The following OTOA variants were observed in gnomAD, a reference collection of about 807,000 sequenced individuals.
The protein encoded by OTOA is cancer/testis antigen 108.
A neutral mutation model predicts 110.8 loss-of-function variants in OTOA; 70 were observed. The observed-to-expected ratio is 0.63, with a 90% CI of 0.52 to 0.77. OTOA has a LOEUF of 0.77. Among genes scored for constraint, OTOA ranks in the 30% least tolerant of loss-of-function variants. OTOA has a pLI of 0.00. For synonymous variants in OTOA, 373 were observed against 431.5 expected (o/e 0.86, Z 1.68); for missense variants, 917 against 1,075.8 (o/e 0.85, Z 2.06).
chr16:21,687,556 C>G lies in OTOA; in HGVS notation c.543C>G (p.Gly181=). ...CCCTGGAGTGTGTGGAGATCCTGGG[C>G]AAGGTGCTGAGGGGGTCCTCAGGGA... ...LNSLECVEIL[G]KVLRGSSGSF... is the part of the protein sequence containing the mutation. Residue 181 remains glycine (G), a synonymous_variant, in exon 8 of 29, where the codon GGC becomes GGG. Transcript: ENST00000646100. The G allele has an allele frequency of 6.2e-7, 1 of 1,613,926 alleles. No homozygotes were observed. The highest frequency in any genetic ancestry group is 1.1e-5 in the South Asian group (1 of 91,072).
In OTOA at chr16:21,728,459, G is replaced by A. The variant is rs773014058; in HGVS notation, c.2207+28G>A. 273 of 1,607,870 alleles carry A rather than the reference G, an allele frequency of 1.7e-4. 5 individuals are homozygous for A. The South Asian group carries it at 3.0e-3, about 17-fold the overall frequency. On this transcript the variant is annotated intron_variant, in intron 20 of 28. Transcript: ENST00000646100. ...GAGGAGCGGCTGGGTTTGGCTTTTG[G>A]TGGTGTGGTATGCTCTGTGGAGGGA...
chr16:21,666,589 C>G (rs1404419789), intron 1 of OTOA, among the ~76,000 whole-genome samples: 1 of 152,140 alleles, frequency 6.6e-6, no homozygotes, highest in Non-Finnish European at 1.5e-5. Flanking sequence ...TCCAAACATT[C>G]ATAGTTTCTC....
intron 13 of OTOA, among the ~76,000 whole-genome samples, chr16:21,711,299 G>A (rs1430359069): frequency 6.6e-6 from 1 of 152,136 alleles, no homozygotes; most frequent in African/African-American, 2.4e-5. Context: ...TGCAGAGAGG[G>A]AACTGTCAGG....
In OTOA at chr16:21,697,787, C is replaced by A; in HGVS notation, c.752C>A (p.Ser251Ter). 1 of 1,614,042 alleles carries A rather than the reference C, an allele frequency of 6.2e-7. No individual in the cohort carries two copies. ...TSSNATDDSA[S>*]WVSAEHLWVL... ...TTATTTTTTGTAGATGACTCTGCTTCATGGGTCAGTGCGGAACACTTATGG... is the reference window on the plus strand; with the variant it reads ...TTATTTTTTGTAGATGACTCTGCTTAATGGGTCAGTGCGGAACACTTATGG... Residue 251 changes from serine (S) to a stop codon, truncating the protein, a stop_gained, in exon 10 of 29, where the codon TCA becomes TAA. Transcript: ENST00000646100. LOFTEE classifies it high-confidence loss of function.
rs960979869 is a variant in OTOA, at chr16:21,697,808, T to C, written c.773T>C (p.Leu258Ser). ...GCTTCATGGGTCAGTGCGGAACACTTATGGGTTTTGGGCAGATACATGGTT... is the reference window on the plus strand; with the variant it reads ...GCTTCATGGGTCAGTGCGGAACACTCATGGGTTTTGGGCAGATACATGGTT... ...DSASWVSAEH[L>S]WVLGRYMVHL... The change falls in exon 10 of 29, where the codon TTA (leucine) becomes TCA (serine). Residue 258 changes from leucine (L) to serine (S), a missense_variant. Physicochemically the swap from Leu to Ser is moderately radical, Grantham distance 145. Transcript: ENST00000646100. 10 of 1,614,114 alleles carry C rather than the reference T, an allele frequency of 6.2e-6. No homozygotes were observed. Among genetic ancestry groups the C allele is most frequent in the Non-Finnish European group, 7.6e-6 (9 of 1,179,998 alleles).
At chr16:21,756,784 T>C (rs1471313341) in intron 27 of OTOA, among the ~76,000 whole-genome samples, 1 of 151,640 alleles carries the variant, frequency 6.6e-6, no homozygotes, top group Admixed American at 6.6e-5. Context: ...CGGACAAATC[T>C]AGCTAGGATT....
At position 21,709,966 on chromosome 16, in the gene OTOA, G is replaced by A. The variant is rs1898305595; in HGVS notation, c.1183G>A (p.Val395Ile). The change falls in exon 13 of 29, where the codon GTA becomes ATA. Residue 395 changes from valine to isoleucine, a missense_variant. Val to Ile is a conservative substitution (Grantham distance 29, BLOSUM62 3). Coordinates refer to ENST00000646100, the MANE Select transcript of OTOA (RefSeq NM_144672.4). ...ETLGSLSDAV[V>I]GLTYSQLESL... is the part of the protein sequence containing the mutation. ...CCTGGGTTCTTTGTCGGATGCAGTTGTAGGTTTGACCTACAGCCAACTGGA... is the reference window on the plus strand; with the variant it reads ...CCTGGGTTCTTTGTCGGATGCAGTTATAGGTTTGACCTACAGCCAACTGGA... The A allele has an allele frequency of 1.2e-6, 2 of 1,613,854 alleles. No homozygotes were observed. The highest frequency in any genetic ancestry group is 1.7e-6 in the Non-Finnish European group (2 of 1,179,940).
At chr16:21,702,258 A>T (rs1405805898) in intron 11 of OTOA, among the ~76,000 whole-genome samples, 1 of 151,910 alleles carries the variant, frequency 6.6e-6, no homozygotes, top group Non-Finnish European at 1.5e-5. Flanking sequence ...CCATCATTCA[A>T]TCCTCTTGTG....
intron 19 of OTOA, 113 bp from the exon 20 acceptor site, chr16:21,728,128 G>C: frequency 1.5e-6 from 2 of 1,326,910 alleles, no homozygotes; most frequent in Non-Finnish European, 2.2e-6. Context: ...GCCTCCCAGA[G>C]TGCTGGGATT....
intron 23 of OTOA, among the ~76,000 whole-genome samples, chr16:21,743,762 C>G (rs1482638012): frequency 8.1e-6 from 1 of 123,620 alleles, no homozygotes; most frequent in African/African-American, 2.8e-5. Context: ...TTTAATTTTT[C>G]TTTTGTGAAT....
At chr16:21,747,420 C>T (rs1189383026) in intron 24 of OTOA, 1 of 107,736 alleles carries the variant, frequency 9.3e-6, no homozygotes, top group Non-Finnish European at 2.1e-5. Context: ...GAAAACCTAA[C>T]ATTTGCATGT....
chr16:21,677,300 G>C (rs752757189), intron 1 of OTOA, among the ~76,000 whole-genome samples: 13 of 152,070 alleles, frequency 8.5e-5, no homozygotes, highest in Non-Finnish European at 1.5e-4. Context: ...CAGAGTTCCT[G>C]TTGTTCCATA....
At chr16:21,704,565 G>A (rs1898116057) in intron 11 of OTOA, among the ~76,000 whole-genome samples, 1 of 152,154 alleles carries the variant, frequency 6.6e-6, no homozygotes, top group African/African-American at 2.4e-5. Flanking sequence ...CTGATAAGTG[G>A]TAGCTGCTAT....
At chr16:21,705,372 C>A in intron 12 of OTOA, 80 bp downstream of exon 12, 2 of 1,606,186 alleles carry the variant, frequency 1.2e-6, no homozygotes, top group East Asian at 4.5e-5. Flanking sequence ...CCTAGCTTAG[C>A]CTTTGGGAGA....
At chr16:21,717,591 C>T (rs1055598215) in intron 15 of OTOA, among the ~76,000 whole-genome samples, 5 of 152,158 alleles carry the variant, frequency 3.3e-5, no homozygotes, top group Non-Finnish European at 7.3e-5. Context: ...TACATGCCAC[C>T]TGGGCTGTGT....
chr16:21,688,587 G>C (rs546910553), intron 8 of OTOA, among the ~76,000 whole-genome samples: 4 of 152,160 alleles, frequency 2.6e-5, no homozygotes, highest in Admixed American at 2.6e-4. Flanking sequence ...GGTTCTGGAG[G>C]CTGGGAAGTC....
At chr16:21,698,630 GAC>G (rs1403044694) in intron 10 of OTOA, among the ~76,000 whole-genome samples, 2 of 152,024 alleles carry the variant, frequency 1.3e-5, no homozygotes, top group Non-Finnish European at 2.9e-5. Context: ...CCTGTTCAAG[GAC>G]CCATTGACCC....
chr16:21,737,914 G>A (rs1308823103), intron 22 of OTOA, among the ~76,000 whole-genome samples: 1 of 152,312 alleles, frequency 6.6e-6, no homozygotes, highest in East Asian at 1.9e-4. Flanking sequence ...AGTGATAGTA[G>A]TTGACAGTCA....
intron 10 of OTOA, among the ~76,000 whole-genome samples, chr16:21,699,104 C>CCTACA (rs1898000237): frequency 6.6e-6 from 1 of 152,064 alleles, no homozygotes; most frequent in Non-Finnish European, 1.5e-5. Context: ...GCACATGCCA[C>CCTACA]CATGCCTGGC....
Sources: gnomAD v4.1 joint callset for allele counts (sites outside exome capture counted in the v4.1 genomes callset) on GRCh38, gnomAD v4.1.1 for gene constraint, MANE v1.5 for transcripts, NCBI Gene and HGNC (gene_info 2026-07-23, HGNC 2026-07-21) for gene names.